Variants in DAB1 observed in about 807,000 individuals in gnomAD.
DAB1 encodes DAB adaptor protein 1.
A neutral mutation model predicts 64.6 loss-of-function variants in DAB1; 15 were observed. That is an observed-to-expected ratio of 0.23 (90% CI 0.16 to 0.36). The LOEUF (loss-of-function observed/expected upper bound fraction) is 0.36. DAB1 is among the 10% of genes least tolerant of loss of function. The probability of loss-of-function intolerance (pLI) is 1.00; values close to 1 mark genes in which losing one functional copy is unlikely to be tolerated. For missense variants in DAB1, 596 were observed against 706.7 expected (o/e 0.84, Z 1.78); for synonymous variants, 235 against 251.9 (o/e 0.93, Z 0.64).
At chr1:57,140,633 T>G (rs914690044) in intron 3 of DAB1, among the ~76,000 whole-genome samples, 1 of 152,178 alleles carries the variant, frequency 6.6e-6, no homozygotes, top group Admixed American at 6.5e-5. Flanking sequence ...ATATTCACGT[T>G]TCTCACCTCA....
intron 5 of DAB1, among the ~76,000 whole-genome samples, chr1:58,043,810 C>T (rs1045519574): frequency 9.2e-5 from 14 of 152,140 alleles, no homozygotes; most frequent in African/African-American, 3.1e-4. Flanking sequence ...TTACTGCAAC[C>T]TCCACCTCCC....
chr1:57,991,318 T>C (rs527370294), intron 5 of DAB1, among the ~76,000 whole-genome samples: 1 of 152,284 alleles, frequency 6.6e-6, no homozygotes, highest in East Asian at 1.9e-4. Context: ...GTCAACTTCT[T>C]GTGGGTGACA....
At chr1:57,586,808 T>TAAA (rs34961960) in intron 7 of DAB1, among the ~76,000 whole-genome samples, 16 of 141,200 alleles carry the variant, frequency 1.1e-4, no homozygotes, top group South Asian at 9.0e-4. Flanking sequence ...ATACTTTACT[T>TAAA]AAAAAAAAAA....
At chr1:57,475,964 C>G (rs1389866882) in intron 7 of DAB1, among the ~76,000 whole-genome samples, 1 of 152,162 alleles carries the variant, frequency 6.6e-6, no homozygotes, top group Non-Finnish European at 1.5e-5. Context: ...GTGGCTCACC[C>G]CTGTTATCCC....
At chr1:57,051,980 A>G (rs1649232808) in intron 9 of DAB1, among the ~76,000 whole-genome samples, 1 of 152,108 alleles carries the variant, frequency 6.6e-6, no homozygotes, top group Non-Finnish European at 1.5e-5. Flanking sequence ...GTTTTAGTAG[A>G]AATTGTTTGG....
At chr1:57,224,369 A>C (rs1667105081) in intron 2 of DAB1, among the ~76,000 whole-genome samples, 2 of 152,182 alleles carry the variant, frequency 1.3e-5, no homozygotes, top group Non-Finnish European at 2.9e-5. Flanking sequence ...CCTTGACTGT[A>C]GCCCACCAGA....
intron 7 of DAB1, among the ~76,000 whole-genome samples, chr1:57,486,506 G>GT (rs1644093800): frequency 6.6e-6 from 1 of 152,224 alleles, no homozygotes; most frequent in Admixed American, 6.5e-5. Context: ...TGTCTGTGTG[G>GT]AAAGTGTAAG....
intron 2 of DAB1, among the ~76,000 whole-genome samples, chr1:57,288,650 T>C (rs1330946766): frequency 6.6e-6 from 1 of 152,106 alleles, no homozygotes; most frequent in African/African-American, 2.4e-5. Flanking sequence ...GTTTCTGTTG[T>C]TTAAGCTGTC....
chr1:58,429,734 C>G (rs189701180), intron 3 of DAB1, among the ~76,000 whole-genome samples: 1 of 152,312 alleles, frequency 6.6e-6, no homozygotes, highest in Admixed American at 6.5e-5. Context: ...AAACTATAGT[C>G]AGGGGCAAGG....
At chr1:57,725,627 AAG>A (rs1284118572) in intron 6 of DAB1, among the ~76,000 whole-genome samples, 4 of 152,238 alleles carry the variant, frequency 2.6e-5, no homozygotes, top group African/African-American at 4.8e-5. Flanking sequence ...CAGATAAGGA[AAG>A]AGAAGCATTT....
chr1:57,171,284 C>G (rs892168341), intron 2 of DAB1, among the ~76,000 whole-genome samples: 3 of 152,146 alleles, frequency 2.0e-5, no homozygotes, highest in African/African-American at 4.8e-5. Flanking sequence ...CAAAGGAATA[C>G]TACTTTAAAT....
intron 3 of DAB1, among the ~76,000 whole-genome samples, chr1:58,406,296 C>G (rs1443917980): frequency 6.6e-6 from 1 of 152,202 alleles, no homozygotes; most frequent in Non-Finnish European, 1.5e-5. Flanking sequence ...TTAAATGGAG[C>G]CGGAAATCTT....
intron 5 of DAB1, among the ~76,000 whole-genome samples, chr1:58,016,807 T>C (rs1341455589): frequency 1.3e-5 from 2 of 152,136 alleles, no homozygotes; most frequent in African/African-American, 4.8e-5. Context: ...TTTATAACAA[T>C]GAACAATGCA....
intron 6 of DAB1, among the ~76,000 whole-genome samples, chr1:57,720,051 C>A (rs377548992): frequency 6.6e-6 from 1 of 152,092 alleles, no homozygotes; most frequent in Admixed American, 6.5e-5. Context: ...CCGTCTGGAA[C>A]CTTGATGATT....
chr1:57,707,811 G>A (rs1228595589), intron 6 of DAB1, among the ~76,000 whole-genome samples: 4 of 152,120 alleles, frequency 2.6e-5, no homozygotes, highest in African/African-American at 4.8e-5. Flanking sequence ...CTGAAGTCAC[G>A]TCAGCTGTTT....
chr1:57,302,641 T>C (rs947345819), intron 1 of DAB1, among the ~76,000 whole-genome samples: 5 of 152,106 alleles, frequency 3.3e-5, no homozygotes, highest in African/African-American at 1.2e-4. Flanking sequence ...TCTCACTCTG[T>C]TGCCCAGGAT....
chr1:57,583,290 CT>C (rs34464140), intron 7 of DAB1, among the ~76,000 whole-genome samples: 27,727 of 135,814 alleles, frequency 0.2, 2,774 homozygotes, highest in Non-Finnish European at 0.26. Flanking sequence ...TTTTTCTTTT[CT>C]TTTTTTTTTT....
chr1:57,049,232 G>A (rs961692459), intron 9 of DAB1, among the ~76,000 whole-genome samples: 4 of 151,764 alleles, frequency 2.6e-5, no homozygotes, highest in East Asian at 1.9e-4. Context: ...GGCAGATCAC[G>A]AGGTCAGGAG....
At chr1:57,579,686 G>A (rs925980522) in intron 7 of DAB1, among the ~76,000 whole-genome samples, 2 of 152,138 alleles carry the variant, frequency 1.3e-5, no homozygotes, top group Non-Finnish European at 2.9e-5. Flanking sequence ...AATCAGACCT[G>A]GGGAGAGCAG....
Sources: allele counts gnomAD v4.1 joint callset (sites outside exome capture counted in the v4.1 genomes callset), GRCh38; gene constraint gnomAD v4.1.1; transcripts MANE v1.5; gene names NCBI Gene and HGNC (gene_info 2026-07-23, HGNC 2026-07-21).